VWF: variants seen among roughly 807,000 people sequenced by gnomAD.
The protein encoded by VWF is Factor VIII related antigen.
A neutral mutation model predicts 308.6 loss-of-function variants in VWF; 176 were observed. That is an observed-to-expected ratio of 0.57 (90% CI 0.50 to 0.65). The LOEUF (loss-of-function observed/expected upper bound fraction) is 0.65. Among genes scored for constraint, VWF ranks in the 30% least tolerant of loss-of-function variants. VWF has a pLI of 0.00. For missense variants in VWF, 3,146 were observed against 3,648.2 expected, an observed-to-expected ratio of 0.86 and a Z score of 3.55; for synonymous variants, 1,385 against 1,443.4, an observed-to-expected ratio of 0.96 and a Z score of 0.92.
chr12:5,989,468 T>G (rs1217911992), intron 38 of VWF, among the ~76,000 whole-genome samples: 1 of 152,236 alleles, frequency 6.6e-6, no homozygotes, highest in African/African-American at 2.4e-5. Flanking sequence ...ATGATGTTTG[T>G]TTTCATTCAT....
At chr12:5,991,188 C>T (rs1195341759) in intron 38 of VWF, among the ~76,000 whole-genome samples, 2 of 136,086 alleles carry the variant, frequency 1.5e-5, no homozygotes, top group African/African-American at 2.6e-5. Context: ...CACACACACA[C>T]ACACACACAC....
At chr12:5,977,881 ATATATAT>A (rs1224489203) in intron 42 of VWF, among the ~76,000 whole-genome samples, 1 of 147,928 alleles carries the variant, frequency 6.8e-6, no homozygotes, top group Admixed American at 6.8e-5. Flanking sequence ...CTCTCTATAT[ATATATAT>A]TATATATTAT....
At chr12:6,070,412 G>T (rs1944767019) in intron 10 of VWF, among the ~76,000 whole-genome samples, 1 of 152,180 alleles carries the variant, frequency 6.6e-6, no homozygotes, top group South Asian at 2.1e-4. Flanking sequence ...GCCACCAAAG[G>T]TTAGTACTGG....
chr12:6,039,651 G>C lies in VWF; in HGVS notation c.2443-3160C>G, dbSNP rs552422260. Reference sequence around the variant, plus strand: ...TTATTATATTTCAGTAAGCCCGACTGAGTGACAAATCATGGACCATGTAGG... The same window carrying C: ...TTATTATATTTCAGTAAGCCCGACTCAGTGACAAATCATGGACCATGTAGG... On this transcript the variant is annotated intron_variant, in intron 18 of 51. Coordinates refer to ENST00000261405, the MANE Select transcript of VWF (RefSeq NM_000552.5). Among the ~76,000 whole-genome samples the C allele has an allele frequency of 9.3e-4, 142 of 152,286 alleles. 2 individuals are homozygous for C. Among genetic ancestry groups the C allele is most frequent in the African/African-American group, 3.3e-3 (136 of 41,548 alleles).
Position 6,031,429 on chromosome 12 carries a change from T to A in VWF, c.2820+15A>T. ...ACAAAGCGGGACATGAGGGTGGAGA[T>A]GAGGCTGCACTTACCTCCCCGTCAA... On this transcript the variant is annotated intron_variant, in intron 21 of 51. Coordinates refer to ENST00000261405, the MANE Select transcript of VWF (RefSeq NM_000552.5). 1.2e-6 allele frequency: 2 copies of A among 1,614,144 alleles called. No homozygotes were observed. Among genetic ancestry groups the A allele is most frequent in the South Asian group, 1.1e-5 (1 of 91,078 alleles).
intron 32 of VWF, 44 bp downstream of exon 32, chr12:6,013,437 G>C (rs1195123159): frequency 8.7e-6 from 14 of 1,610,986 alleles, no homozygotes; most frequent in East Asian, 4.5e-5. Context: ...GTTTATTTTG[G>C]AACTTTTTTT....
At chr12:5,983,526 T>C (rs1206930775) in intron 40 of VWF, among the ~76,000 whole-genome samples, 6 of 151,580 alleles carry the variant, frequency 4.0e-5, no homozygotes, top group African/African-American at 7.3e-5. Context: ...GTACATTAGA[T>C]AGATAGATAG....
rs1050492511 is a variant in VWF at position 6,060,260 on chromosome 12, G to A, written c.1534-2216C>T. 6.6e-6 allele frequency among the ~76,000 whole-genome samples: 1 copy of A among 152,208 alleles called. No individual in the cohort carries two copies. Among genetic ancestry groups the A allele is most frequent in the Non-Finnish European group, 1.5e-5 (1 of 68,038 alleles). On this transcript the variant is annotated intron_variant, in intron 13 of 51. Coordinates refer to ENST00000261405, the MANE Select transcript of VWF (RefSeq NM_000552.5). The surrounding 1 kb of genome is among the most constrained non-coding windows in gnomAD (Gnocchi z 5.1). The stretch of plus-strand genomic sequence containing the variant: ...AGGCAGAGCTGGGCCCTGCAGGGCA[G>A]CCAGCAGGGCAGGGAAGCAGCACAC...
chr12:6,039,732 T>G (rs1944377447), intron 18 of VWF, among the ~76,000 whole-genome samples: 1 of 152,172 alleles, frequency 6.6e-6, no homozygotes, highest in Admixed American at 6.5e-5. Flanking sequence ...AACGCCCACA[T>G]GTGAGGCCGC....
At chr12:6,026,522 G>C (rs1172195167) in intron 22 of VWF, among the ~76,000 whole-genome samples, 1 of 152,164 alleles carries the variant, frequency 6.6e-6, no homozygotes, top group East Asian at 1.9e-4. Context: ...GTTCAGAGTA[G>C]GCTGGGCAGA....
chr12:6,023,921 T>C, intron 24 of VWF, 134 bp from the exon 25 acceptor site: 2 of 943,994 alleles, frequency 2.1e-6, no homozygotes, highest in Non-Finnish European at 3.3e-6. Context: ...TGTAGCTCAA[T>C]GGTCTCAAAG....
In VWF at chr12:6,024,864, A is replaced by G. The variant is rs1944172178; in HGVS notation, c.3222+716T>C. Among the ~76,000 whole-genome samples, 1 of 152,100 alleles carries G rather than the reference A, an allele frequency of 6.6e-6. No individual in the cohort carries two copies. Among genetic ancestry groups the G allele is most frequent in the Non-Finnish European group, 1.5e-5 (1 of 68,016 alleles). Reference sequence around the variant, plus strand: ...ATGGTGAAACCTTGACTCTACTAAAAATACAAAAATTAGCTGGGCGTGGTG... The same window carrying G: ...ATGGTGAAACCTTGACTCTACTAAAGATACAAAAATTAGCTGGGCGTGGTG... On this transcript the variant is annotated intron_variant, in intron 24 of 51. Coordinates refer to ENST00000261405, the MANE Select transcript of VWF (RefSeq NM_000552.5). The surrounding 1 kb of genome is among the most constrained non-coding windows in gnomAD (Gnocchi z 4.0).
intron 39 of VWF, among the ~76,000 whole-genome samples, chr12:5,985,354 G>A (rs1428520988): frequency 6.6e-6 from 1 of 152,212 alleles, no homozygotes; most frequent in African/African-American, 2.4e-5. Flanking sequence ...AGAGGCGAGG[G>A]TTAATCTGAG....
intron 48 of VWF, among the ~76,000 whole-genome samples, chr12:5,952,766 G>A (rs1486848268): frequency 1.3e-5 from 2 of 152,304 alleles, no homozygotes; most frequent in East Asian, 3.9e-4. Context: ...TTGAAGGATT[G>A]AGATATAGCA....
intron 38 of VWF, among the ~76,000 whole-genome samples, chr12:5,991,152 A>G (rs2136382140): frequency 6.9e-6 from 1 of 145,094 alleles, no homozygotes; most frequent in African/African-American, 2.6e-5. Flanking sequence ...GTGGAATCCC[A>G]GTCCCAAGGG....
chr12:6,057,739 C>T, intron 14 of VWF, 110 bp downstream of exon 14: 2 of 1,335,258 alleles, frequency 1.5e-6, no homozygotes, highest in Non-Finnish European at 2.0e-6. Context: ...CCTTTCCTCG[C>T]TCCCCGCCCC....
In VWF at chr12:5,993,898, C is replaced by T. The variant is rs1036690966; in HGVS notation, c.6562G>A (p.Gly2188Arg). The stretch of plus-strand genomic sequence containing the variant: ...GGTGTCCTCCAGTCAACGCAGACCC[C>T]GTTGGTCCGACAGAGGTGGGCATAA... ...ASYAHLCRTNGVCVDWRTPDF... is the reference protein window; with the variant it reads ...ASYAHLCRTNRVCVDWRTPDF... Residue 2188 changes from glycine to arginine, a missense_variant, in exon 37 of 52, where the codon GGG (glycine) becomes AGG (arginine). Physicochemically the swap from Gly to Arg is moderately radical, Grantham distance 125. This residue lies in a region of VWF where 989 missense variants were observed against 1,117.4 expected (regional missense o/e 0.89). Coordinates refer to ENST00000261405, the MANE Select transcript of VWF (RefSeq NM_000552.5). 9.9e-6 allele frequency: 16 copies of T among 1,613,664 alleles called. No homozygotes were observed. The highest frequency in any genetic ancestry group is 5.0e-5 in the Admixed American group (3 of 59,974).
chr12:5,985,507 G>T, intron 39 of VWF, 56 bp downstream of exon 39: 4 of 1,555,932 alleles, frequency 2.6e-6, no homozygotes, highest in African/African-American at 1.4e-5. Flanking sequence ...TGGCTGGGGG[G>T]CCTTGCAGGG....
At chr12:5,983,833 G>A (rs953715830) in intron 40 of VWF, among the ~76,000 whole-genome samples, 11 of 93,360 alleles carry the variant, frequency 1.2e-4, no homozygotes, top group Non-Finnish European at 2.4e-4. Context: ...GAGGATAGAT[G>A]ATAAATAGAT....
Sources: allele counts gnomAD v4.1 joint callset (sites outside exome capture counted in the v4.1 genomes callset), GRCh38; gene constraint gnomAD v4.1.1; regional missense constraint gnomAD v4.1.1; non-coding constraint Gnocchi (gnomAD v3.1); transcripts MANE v1.5; gene names NCBI Gene and HGNC (gene_info 2026-07-23, HGNC 2026-07-21).